Variants in FOXP1 observed in about 807,000 individuals in gnomAD.
The protein encoded by FOXP1 is forkhead box protein P1.
FOXP1 carries 15 observed loss-of-function variants against 98.2 expected under a neutral mutation model. The observed-to-expected ratio is 0.15, with a 90% CI of 0.10 to 0.24. FOXP1 has a LOEUF of 0.24. Ranked by LOEUF, FOXP1 falls within the 10% of genes least tolerant of loss-of-function variation. FOXP1 has a pLI of 1.00. For synonymous variants in FOXP1, 371 were observed against 314.5 expected, an observed-to-expected ratio of 1.18 and a Z score of -1.90; for missense variants, 633 against 848.5, an observed-to-expected ratio of 0.75 and a Z score of 3.15.
chr3:71,508,891 C>T (rs2042009773), intron 2 of FOXP1, among the ~76,000 whole-genome samples: 1 of 152,118 alleles, frequency 6.6e-6, no homozygotes, highest in Admixed American at 6.6e-5. Context: ...TCCTTGCTTA[C>T]AAGATGAAGA....
intron 3 of FOXP1, among the ~76,000 whole-genome samples, chr3:71,414,044 T>C (rs775398843): frequency 8.6e-5 from 13 of 151,940 alleles, no homozygotes; most frequent in Admixed American, 2.0e-4. Context: ...CTGCGGAGGC[T>C]CATGCTAAAG....
intron 3 of FOXP1, among the ~76,000 whole-genome samples, chr3:71,404,795 G>T (rs1286633548): frequency 6.6e-6 from 1 of 152,092 alleles, no homozygotes; most frequent in Non-Finnish European, 1.5e-5. Flanking sequence ...AGCCCCATAG[G>T]CCTCACAAGG....
In FOXP1 at chr3:71,522,234, C is replaced by T. The variant is rs530191113; in HGVS notation, c.-297-28679G>A. ...AAGGGTCCCTGGGCTCATCTGTCCACGCTGGGACATCCAATCTAGAGAAAC... is the reference window on the plus strand; with the variant it reads ...AAGGGTCCCTGGGCTCATCTGTCCATGCTGGGACATCCAATCTAGAGAAAC... On this transcript the variant is annotated intron_variant, in intron 2 of 20. Coordinates refer to ENST00000649528, the MANE Select transcript of FOXP1 (RefSeq NM_001349338.3). Among the ~76,000 whole-genome samples the T allele has an allele frequency of 1.1e-4, 16 of 152,278 alleles. 1 individual carries two copies. The highest frequency in any genetic ancestry group is 3.4e-4 in the African/African-American group (14 of 41,538).
chr3:71,369,397 C>G (rs1232834237), intron 3 of FOXP1, among the ~76,000 whole-genome samples: 3 of 151,346 alleles, frequency 2.0e-5, no homozygotes, highest in Non-Finnish European at 2.9e-5. Context: ...CTCAAAAAAA[C>G]AAAAAAACAA....
intron 11 of FOXP1, among the ~76,000 whole-genome samples, chr3:71,026,966 C>A (rs1267174433): frequency 1.3e-5 from 2 of 152,158 alleles, no homozygotes; most frequent in African/African-American, 4.8e-5. Context: ...AGGCAGAGGT[C>A]CATCTTTTGT....
At chr3:71,457,287 A>G (rs1221841526) in intron 3 of FOXP1, among the ~76,000 whole-genome samples, 1 of 152,228 alleles carries the variant, frequency 6.6e-6, no homozygotes, top group Non-Finnish European at 1.5e-5. Context: ...TGGATTTAAG[A>G]AAATATGCAG....
intron 12 of FOXP1, among the ~76,000 whole-genome samples, chr3:71,004,139 G>A (rs925193974): frequency 6.6e-6 from 1 of 152,056 alleles, no homozygotes; most frequent in Non-Finnish European, 1.5e-5. Flanking sequence ...CTGCAAGAAT[G>A]GAGAATTCAA....
chr3:71,239,948 A>C (rs1024195454), intron 5 of FOXP1, among the ~76,000 whole-genome samples: 4 of 152,238 alleles, frequency 2.6e-5, no homozygotes, highest in African/African-American at 9.6e-5. Context: ...TAGAAAAGGC[A>C]GCCTCCTATC....
rs2031713966 is a variant in FOXP1, at chr3:70,956,080, T to A, written c.*3167A>T. The A allele has an allele frequency of 4.3e-6, 1 of 233,232 alleles. No individual in the cohort carries two copies. Among genetic ancestry groups the A allele is most frequent in the Non-Finnish European group, 8.5e-6 (1 of 118,026 alleles). 14.4% of individuals were successfully genotyped at this position (233,232 alleles called of 1,614,324 possible). A position where few individuals can be genotyped will look rare whatever the true frequency, so the allele number is the denominator to read the frequency against. ...TTTTTTTTCCAAAGCTATTTTTTTT[T>A]AGTATCGTTAATATAAAGCAGTTGC... On this transcript the variant is annotated 3_prime_UTR_variant, in exon 21 of 21. Coordinates refer to ENST00000649528, the MANE Select transcript of FOXP1 (RefSeq NM_001349338.3).
intron 3 of FOXP1, among the ~76,000 whole-genome samples, chr3:71,461,748 C>A (rs576802174): frequency 1.3e-5 from 2 of 151,640 alleles, no homozygotes; most frequent in Non-Finnish European, 2.9e-5. Flanking sequence ...TGCAGTGAGC[C>A]AAGATCGCGC....
chr3:71,565,450 G>C (rs186008531), intron 2 of FOXP1, among the ~76,000 whole-genome samples: 12 of 152,264 alleles, frequency 7.9e-5, no homozygotes, highest in South Asian at 4.1e-4. Flanking sequence ...GCAGTGATGG[G>C]GGGGGAGCTA....
chr3:71,027,255 A>C (rs2046256415), intron 11 of FOXP1, among the ~76,000 whole-genome samples: 1 of 152,188 alleles, frequency 6.6e-6, no homozygotes, highest in Non-Finnish European at 1.5e-5. Flanking sequence ...AAAAAAACCA[A>C]CGACCGTAAA....
At chr3:71,433,749 A>G (rs909460118) in intron 3 of FOXP1, among the ~76,000 whole-genome samples, 1 of 152,162 alleles carries the variant, frequency 6.6e-6, no homozygotes. Context: ...CTCCAAGCCC[A>G]TCCAATCCCC....
intron 3 of FOXP1, among the ~76,000 whole-genome samples, chr3:71,414,106 C>A (rs1577375901): frequency 6.6e-6 from 1 of 152,156 alleles, no homozygotes; most frequent in East Asian, 1.9e-4. Context: ...CCGAGAAGCA[C>A]CCCAACTCTC....
intron 5 of FOXP1, among the ~76,000 whole-genome samples, chr3:71,247,256 C>T (rs904190943): frequency 6.6e-6 from 1 of 152,184 alleles, no homozygotes; most frequent in Non-Finnish European, 1.5e-5. Context: ...AGGTGTTTGA[C>T]TCTGGTGGCG....
intron 14 of FOXP1, among the ~76,000 whole-genome samples, chr3:70,985,831 G>A (rs2039637727): frequency 1.3e-5 from 2 of 152,102 alleles, no homozygotes; most frequent in Admixed American, 1.3e-4. Flanking sequence ...TTGTAGCGCT[G>A]CTCTAGCTGT....
chr3:71,064,183 CTG>C (rs2107315429), intron 7 of FOXP1, among the ~76,000 whole-genome samples: 2 of 152,294 alleles, frequency 1.3e-5, no homozygotes, highest in East Asian at 3.9e-4. Context: ...GTGTGGGGCT[CTG>C]TGCCTCTCCC....
At position 71,137,228 on chromosome 3, in the gene FOXP1, A is replaced by G. The variant is rs1002703853; in HGVS notation, c.181-24591T>C. On this transcript the variant is annotated intron_variant, in intron 6 of 20. Coordinates refer to ENST00000649528, the MANE Select transcript of FOXP1 (RefSeq NM_001349338.3). ...AAAGAGAAGTGAATTGACCCTCAAA[A>G]TAACTGCTCTATTTTCCAATCTCTG... Among the ~76,000 whole-genome samples, 3 of 152,166 alleles carry G rather than the reference A, an allele frequency of 2.0e-5. No individual in the cohort carries two copies. In the East Asian group the frequency reaches 5.8e-4, roughly 29 times the overall value.
At chr3:71,075,934 G>A (rs537397955) in intron 7 of FOXP1, among the ~76,000 whole-genome samples, 4 of 152,026 alleles carry the variant, frequency 2.6e-5, no homozygotes, top group South Asian at 2.1e-4. Flanking sequence ...TGCCTAGGCT[G>A]CTCTCGAACT....
Sources: allele counts gnomAD v4.1 joint callset (sites outside exome capture counted in the v4.1 genomes callset), GRCh38; gene constraint gnomAD v4.1.1; transcripts MANE v1.5; gene names NCBI Gene and HGNC (gene_info 2026-07-23, HGNC 2026-07-21).